Variants in CDH10 observed in about 807,000 individuals in gnomAD.
The protein encoded by CDH10 is cadherin 10, also known as cadherin-10.
Under a neutral mutation model 73.1 loss-of-function variants are expected in CDH10, and 30 were observed. That is an observed-to-expected ratio of 0.41 (90% CI 0.31 to 0.56). The LOEUF is 0.56. Ranked by LOEUF, CDH10 falls within the 20% of genes least tolerant of loss-of-function variation. The pLI, the probability that CDH10 is intolerant of heterozygous loss-of-function variation, is 0.27. For synonymous variants in CDH10, 345 were observed against 348.2 expected, an observed-to-expected ratio of 0.99 and a Z score of 0.10; for missense variants, 815 against 973.7, an observed-to-expected ratio of 0.84 and a Z score of 2.17.
chr5:24,614,394 T>C (rs921128413), intron 1 of CDH10, among the ~76,000 whole-genome samples: 3 of 152,212 alleles, frequency 2.0e-5, no homozygotes, highest in African/African-American at 7.2e-5. Context: ...CCTTTCAGTG[T>C]TATCCATGCT....
chr5:24,578,084 T>C (rs1415333676), intron 2 of CDH10, among the ~76,000 whole-genome samples: 1 of 152,172 alleles, frequency 6.6e-6, no homozygotes, highest in Non-Finnish European at 1.5e-5. Context: ...ACACTTTCCA[T>C]TGTCCCTTCA....
chr5:24,566,822 G>A (rs12187251), intron 2 of CDH10, among the ~76,000 whole-genome samples: 64,368 of 151,776 alleles, frequency 0.42, 14,826 homozygotes, highest in East Asian at 0.54. Flanking sequence ...CCCAAAAAGC[G>A]CTAACTATAA....
At chr5:24,496,708 C>T (rs1742302430) in intron 9 of CDH10, among the ~76,000 whole-genome samples, 1 of 152,070 alleles carries the variant, frequency 6.6e-6, no homozygotes, top group South Asian at 2.1e-4. Context: ...ACCTAGGAAC[C>T]CTGACATTCT....
At chr5:24,551,557 T>C (rs1370589356) in intron 2 of CDH10, among the ~76,000 whole-genome samples, 2 of 152,182 alleles carry the variant, frequency 1.3e-5, no homozygotes, top group Non-Finnish European at 2.9e-5. Flanking sequence ...GTCATCAATA[T>C]GGTCTCACAG....
At chr5:24,491,546 A>C in intron 11 of CDH10, 30 bp downstream of exon 11, 1 of 1,581,650 alleles carries the variant, frequency 6.3e-7, no homozygotes, top group Non-Finnish European at 8.6e-7. Context: ...GAGCCTAGAA[A>C]ATGCTCCCAT....
intron 1 of CDH10, chr5:24,613,115 T>C (rs1747004824): frequency 6.6e-6 from 1 of 151,938 alleles, no homozygotes; most frequent in Admixed American, 6.6e-5. Context: ...TGATTTTCAT[T>C]CCATTCCTAC....
In CDH10 at chr5:24,507,367, AG is replaced by A. The variant is rs149453378; in HGVS notation, c.1257-2120del. Among the ~76,000 whole-genome samples the A allele has an allele frequency of 3.0e-4, 45 of 151,226 alleles. No homozygotes were observed. In the East Asian group the frequency reaches 6.6e-3, roughly 22 times the overall value. On this transcript the variant is annotated intron_variant, in intron 7 of 11. Transcript: ENST00000264463. ...TATAATATGTATAATATTATACCTA[AG>A]AGTATTATAATATACATATACATAA...
At chr5:24,549,388 A>T (rs1334008499) in intron 2 of CDH10, among the ~76,000 whole-genome samples, 1 of 152,166 alleles carries the variant, frequency 6.6e-6, no homozygotes, top group African/African-American at 2.4e-5. Context: ...AAATGAGAAG[A>T]AAATCACACC....
At chr5:24,504,032 C>A in intron 8 of CDH10, among the ~76,000 whole-genome samples, 1 of 151,912 alleles carries the variant, frequency 6.6e-6, no homozygotes, top group East Asian at 1.9e-4. Flanking sequence ...TATCTTTAGT[C>A]TATAATTCAA....
chr5:24,580,309 C>T (rs1358841513), intron 2 of CDH10, among the ~76,000 whole-genome samples: 2 of 151,740 alleles, frequency 1.3e-5, no homozygotes, highest in African/African-American at 2.4e-5. Flanking sequence ...CTGTTAAATA[C>T]CTTTTGTTTA....
At chr5:24,634,935 T>G (rs1285047401) in intron 1 of CDH10, among the ~76,000 whole-genome samples, 1 of 151,588 alleles carries the variant, frequency 6.6e-6, no homozygotes, top group Non-Finnish European at 1.5e-5. Context: ...TATGTTTTCA[T>G]GTGTTTATGT....
chr5:24,560,868 A>G (rs1293708130), intron 2 of CDH10, among the ~76,000 whole-genome samples: 1 of 152,136 alleles, frequency 6.6e-6, no homozygotes, highest in Non-Finnish European at 1.5e-5. Flanking sequence ...ACATATATTT[A>G]CTAATATGCC....
At chr5:24,641,500 G>A (rs1748048159) in intron 1 of CDH10, among the ~76,000 whole-genome samples, 1 of 151,952 alleles carries the variant, frequency 6.6e-6, no homozygotes, top group Non-Finnish European at 1.5e-5. Flanking sequence ...GTAGATTTCA[G>A]ATTATTGTAA....
intron 1 of CDH10, among the ~76,000 whole-genome samples, chr5:24,617,633 T>C (rs1008227490): frequency 2.0e-5 from 3 of 152,162 alleles, no homozygotes; most frequent in African/African-American, 4.8e-5. Flanking sequence ...GATCTTAGGA[T>C]AAAAACAGAA....
At chr5:24,524,772 C>T (rs1275039252) in intron 5 of CDH10, among the ~76,000 whole-genome samples, 1 of 152,062 alleles carries the variant, frequency 6.6e-6, no homozygotes, top group Admixed American at 6.6e-5. Context: ...TAGAAGGTAA[C>T]ATCGCAAAGA....
intron 1 of CDH10, chr5:24,612,474 A>C (rs1264334595): frequency 1.3e-5 from 2 of 152,240 alleles, no homozygotes; most frequent in Non-Finnish European, 2.9e-5. Context: ...GTGAATATAG[A>C]AAATGTATTT....
At chr5:24,595,111 G>C (rs1010606822) in intron 1 of CDH10, among the ~76,000 whole-genome samples, 21 of 151,840 alleles carry the variant, frequency 1.4e-4, no homozygotes, top group South Asian at 8.3e-4. Flanking sequence ...TTTGTTTTGT[G>C]TGTGTGTGTG....
chr5:24,534,711 A>T (rs1394351558), intron 5 of CDH10, among the ~76,000 whole-genome samples: 1 of 152,080 alleles, frequency 6.6e-6, no homozygotes, highest in Non-Finnish European at 1.5e-5. Context: ...GTCGAAAAAA[A>T]TTGTCCTCAA....
chr5:24,581,750 G>A (rs940017794), intron 2 of CDH10, among the ~76,000 whole-genome samples: 6 of 152,062 alleles, frequency 3.9e-5, no homozygotes, highest in African/African-American at 9.7e-5. Context: ...CAAAGTAACC[G>A]AAACTTGAAC....
Sources: gnomAD v4.1 joint callset for allele counts (sites outside exome capture counted in the v4.1 genomes callset) on GRCh38, gnomAD v4.1.1 for gene constraint, MANE v1.5 for transcripts, NCBI Gene and HGNC (gene_info 2026-07-23, HGNC 2026-07-21) for gene names.